Variants in FTCDNL1 observed in about 807,000 individuals in gnomAD.
FTCDNL1 encodes formiminotransferase N-terminal subdomain-containing protein.
Under a neutral mutation model 5.9 loss-of-function variants are expected in FTCDNL1, and 11 were observed. The observed-to-expected ratio is 1.87, with a 90% CI of 1.18 to 3.10. FTCDNL1 has a LOEUF of 3.10. Among genes scored for constraint, FTCDNL1 ranks in the 30% most tolerant of loss-of-function variants. The pLI, the probability that FTCDNL1 is intolerant of heterozygous loss-of-function variation, is 0.00. For synonymous variants in FTCDNL1, 58 were observed against 24.8 expected (o/e 2.34, Z -3.99); for missense variants, 115 against 65.5 (o/e 1.76, Z -2.61).
chr2:199,804,982 G>A (rs1193999827), downstream of FTCDNL1, among the ~76,000 whole-genome samples: 1 of 152,220 alleles, frequency 6.6e-6, no homozygotes, highest in Non-Finnish European at 1.5e-5. Context: ...GAGAGGCCCT[G>A]CAGAGCTGGG....
chr2:199,830,013 C>T (rs950171355), intron 3 of FTCDNL1, among the ~76,000 whole-genome samples: 1 of 151,962 alleles, frequency 6.6e-6, no homozygotes, highest in Non-Finnish European at 1.5e-5. Flanking sequence ...CATTTTCCAA[C>T]CCATATCACC....
At chr2:199,786,476 T>G (rs144828301) in intron 3 of FTCDNL1, among the ~76,000 whole-genome samples, 1 of 152,084 alleles carries the variant, frequency 6.6e-6, no homozygotes, top group East Asian at 1.9e-4. Flanking sequence ...CCTTTGAACT[T>G]GATCGAATTC....
the FTCDNL1 span, among the ~76,000 whole-genome samples, chr2:199,667,961 G>T: frequency 6.6e-6 from 1 of 152,118 alleles, no homozygotes; most frequent in Non-Finnish European, 1.5e-5. Flanking sequence ...AGTAGTCACC[G>T]AACCCAAAAT....
At chr2:199,792,129 AT>A (rs200127045) in intron 3 of FTCDNL1, among the ~76,000 whole-genome samples, 7,891 of 152,204 alleles carry the variant, frequency 0.052, 567 homozygotes, top group East Asian at 0.2. Flanking sequence ...GAAAAAGCAA[AT>A]GGTGGGAGAT....
the FTCDNL1 span, among the ~76,000 whole-genome samples, chr2:199,754,469 A>G: frequency 6.6e-6 from 1 of 152,100 alleles, no homozygotes; most frequent in Admixed American, 6.5e-5. Context: ...AGTCTTTAAC[A>G]CCAGGAGGCC....
At chr2:199,783,558 T>G (rs1254258925) in intron 3 of FTCDNL1, among the ~76,000 whole-genome samples, 1 of 152,194 alleles carries the variant, frequency 6.6e-6, no homozygotes, top group Non-Finnish European at 1.5e-5. Context: ...GTCAGGGTTT[T>G]AAATTCTTTA....
At position 199,809,467 on chromosome 2, in the gene FTCDNL1, T is replaced by C. The variant is rs117025379; in HGVS notation, c.*3238A>G. ...TAAAGAAGATCACAGTCTTTCTTGC[T>C]AAACTCAATTTGTGGAAAAATTCAT... On this transcript the variant is annotated 3_prime_UTR_variant, in exon 5 of 5. Coordinates refer to ENST00000420128, the MANE Select transcript of FTCDNL1 (RefSeq NM_001363886.2). Among the ~76,000 whole-genome samples the C allele has an allele frequency of 4.7e-4, 71 of 152,302 alleles. No individual in the cohort carries two copies. The East Asian group carries it at 0.013, about 29-fold the overall frequency.
At chr2:199,710,477 A>G in the FTCDNL1 span, among the ~76,000 whole-genome samples, 2 of 152,204 alleles carry the variant, frequency 1.3e-5, no homozygotes, top group Admixed American at 6.6e-5. Context: ...AGGGCTCTCA[A>G]GACTCTAAGC....
At chr2:199,737,337 C>G in the FTCDNL1 span, among the ~76,000 whole-genome samples, 2 of 152,158 alleles carry the variant, frequency 1.3e-5, no homozygotes, top group Non-Finnish European at 2.9e-5. Flanking sequence ...TATTATCTAA[C>G]AAAAGGAAAT....
the FTCDNL1 span, among the ~76,000 whole-genome samples, chr2:199,671,154 A>G: frequency 2.6e-5 from 3 of 113,706 alleles, no homozygotes; most frequent in Non-Finnish European, 5.9e-5. Context: ...TAATATCTGT[A>G]TTAAATCCAT....
chr2:199,689,774 G>GTACT, the FTCDNL1 span, among the ~76,000 whole-genome samples: 1,160 of 140,810 alleles, frequency 8.2e-3, 16 homozygotes, highest in African/African-American at 0.028. Context: ...TGGCACCACT[G>GTACT]TACTCCAGCC....
At chr2:199,841,057 G>A (rs1425021460) in intron 3 of FTCDNL1, among the ~76,000 whole-genome samples, 1 of 152,008 alleles carries the variant, frequency 6.6e-6, no homozygotes, top group African/African-American at 2.4e-5. Context: ...AGGCTGAGGT[G>A]GGAAGATTGT....
the FTCDNL1 span, among the ~76,000 whole-genome samples, chr2:199,727,245 C>T: frequency 6.6e-6 from 1 of 152,198 alleles, no homozygotes; most frequent in Non-Finnish European, 1.5e-5. Context: ...ACTGCCCAGT[C>T]CCCCCAGCAC....
At chr2:199,667,419 G>A in the FTCDNL1 span, among the ~76,000 whole-genome samples, 1 of 152,032 alleles carries the variant, frequency 6.6e-6, no homozygotes, top group Non-Finnish European at 1.5e-5. Context: ...GGAGGCTCGC[G>A]AGACAGCAAG....
chr2:199,787,724 A>G (rs941820423), intron 3 of FTCDNL1, among the ~76,000 whole-genome samples: 4 of 152,118 alleles, frequency 2.6e-5, no homozygotes, highest in African/African-American at 9.7e-5. Context: ...TATATGGGGG[A>G]AAAAAATACA....
At chr2:199,671,183 G>A in the FTCDNL1 span, among the ~76,000 whole-genome samples, 1 of 150,076 alleles carries the variant, frequency 6.7e-6, no homozygotes, top group South Asian at 2.1e-4. Context: ...AAAAAAAAAG[G>A]TAGCCTTCTA....
intron 3 of FTCDNL1, among the ~76,000 whole-genome samples, chr2:199,778,105 C>T (rs2106316270): frequency 6.6e-6 from 1 of 152,262 alleles, no homozygotes; most frequent in Non-Finnish European, 1.5e-5. Context: ...TAATCCAAAA[C>T]AGGAAGTCTG....
At position 199,811,271 on chromosome 2, in the gene FTCDNL1, A is replaced by C. The variant is rs1198124328; in HGVS notation, c.*1434T>G. ...ACAGAGTATAATTGGAATTTTTGTCAATCTTAATGTTGCCACTCTTTAACA... is the reference window on the plus strand; with the variant it reads ...ACAGAGTATAATTGGAATTTTTGTCCATCTTAATGTTGCCACTCTTTAACA... On this transcript the variant is annotated 3_prime_UTR_variant, in exon 5 of 5. Coordinates refer to ENST00000420128, the MANE Select transcript of FTCDNL1 (RefSeq NM_001363886.2). 6.6e-6 allele frequency among the ~76,000 whole-genome samples: 1 copy of C among 152,218 alleles called. No homozygotes were observed. The highest frequency in any genetic ancestry group is 1.5e-5 in the Non-Finnish European group (1 of 68,036).
At chr2:199,808,119 C>G (rs1299207675), downstream of FTCDNL1, among the ~76,000 whole-genome samples, 1 of 152,178 alleles carries the variant, frequency 6.6e-6, no homozygotes, top group African/African-American at 2.4e-5. Flanking sequence ...ACTGCTCCCC[C>G]TTCCCCTTCC....
Sources: gnomAD v4.1 joint callset for allele counts (sites outside exome capture counted in the v4.1 genomes callset) on GRCh38, gnomAD v4.1.1 for gene constraint, MANE v1.5 for transcripts, NCBI Gene and HGNC (gene_info 2026-07-23, HGNC 2026-07-21) for gene names.